The following ZFHX3 variants were observed in gnomAD, a reference collection of about 807,000 sequenced individuals.
ZFHX3 encodes the protein zinc finger homeobox protein 3.
A neutral mutation model predicts 279.1 loss-of-function variants in ZFHX3; 42 were observed. The ratio of observed to expected loss-of-function variants is 0.15; its 90% CI spans 0.12 to 0.19. The LOEUF (loss-of-function observed/expected upper bound fraction) is 0.19. Among genes scored for constraint, ZFHX3 ranks in the 10% least tolerant of loss-of-function variants. The pLI, the probability that ZFHX3 is intolerant of heterozygous loss-of-function variation, is 1.00. For missense variants in ZFHX3, 4,981 were observed against 4,754.0 expected (o/e 1.05, Z -1.40); for synonymous variants, 2,293 against 1,957.8 (o/e 1.17, Z -4.52).
intron 1 of ZFHX3, among the ~76,000 whole-genome samples, chr16:73,040,424 T>C (rs1470240893): frequency 6.6e-6 from 1 of 151,994 alleles, no homozygotes; most frequent in Non-Finnish European, 1.5e-5. Flanking sequence ...CACAAATCAC[T>C]ACAAACAAGC....
chr16:73,357,255 C>T (rs1304013088), intron 3 of ZFHX3, among the ~76,000 whole-genome samples: 1 of 151,866 alleles, frequency 6.6e-6, no homozygotes, highest in Admixed American at 6.6e-5. Flanking sequence ...TGTTACTCGA[C>T]TGAAAATTTG....
chr16:73,443,209 G>T (rs2018125234), intron 3 of ZFHX3, among the ~76,000 whole-genome samples: 1 of 152,164 alleles, frequency 6.6e-6, no homozygotes, highest in Non-Finnish European at 1.5e-5. Flanking sequence ...AGAAGGGAAA[G>T]AAATAAATTT....
chr16:73,036,625 G>A (rs1389526085), intron 1 of ZFHX3, among the ~76,000 whole-genome samples: 1 of 151,952 alleles, frequency 6.6e-6, no homozygotes, highest in African/African-American at 2.4e-5. Context: ...AAGAGGAGGG[G>A]AGAGGGGCCG....
At chr16:73,423,728 G>T (rs1402638704) in intron 3 of ZFHX3, among the ~76,000 whole-genome samples, 1 of 152,066 alleles carries the variant, frequency 6.6e-6, no homozygotes, top group African/African-American at 2.4e-5. Context: ...CAGGCGCAGT[G>T]GTGCACACCT....
chr16:73,612,377 G>A (rs75354260), intron 2 of ZFHX3, among the ~76,000 whole-genome samples: 3,330 of 152,278 alleles, frequency 0.022, 45 homozygotes, highest in Non-Finnish European at 0.033. Flanking sequence ...TAATGCAAAC[G>A]CTGCCATGAC....
chr16:73,655,016 A>T lies in ZFHX3; in HGVS notation c.-1547+25164T>A, dbSNP rs183518932. Among the ~76,000 whole-genome samples, 256 of 152,000 alleles carry T rather than the reference A, an allele frequency of 1.7e-3. 2 individuals are homozygous for T. Among genetic ancestry groups the T allele is most frequent in the Middle Eastern group, 6.8e-3 (2 of 294 alleles). On this transcript the variant is annotated intron_variant, in intron 2 of 17. Transcript: ENST00000641206. ...GCTGGGATTACAGGAGCCAGCCACCATGCCTGGCTAATTTTTGTATTTTTA... is the reference window on the plus strand; with the variant it reads ...GCTGGGATTACAGGAGCCAGCCACCTTGCCTGGCTAATTTTTGTATTTTTA...
chr16:73,632,445 G>A (rs939389069), intron 2 of ZFHX3, among the ~76,000 whole-genome samples: 10 of 152,106 alleles, frequency 6.6e-5, no homozygotes, highest in African/African-American at 2.4e-4. Context: ...CACTTTGGGA[G>A]GCTGGGGCAG....
intron 3 of ZFHX3, among the ~76,000 whole-genome samples, chr16:73,418,447 A>G (rs1597327844): frequency 6.6e-6 from 1 of 152,320 alleles, no homozygotes; most frequent in Middle Eastern, 3.4e-3. Context: ...GGGGAAGAGG[A>G]CATCTTTGTT....
At chr16:73,596,786 A>C (rs372316333) in intron 2 of ZFHX3, among the ~76,000 whole-genome samples, 1 of 152,194 alleles carries the variant, frequency 6.6e-6, no homozygotes, top group Admixed American at 6.5e-5. Flanking sequence ...AAGGAACGTC[A>C]CTATAACTCA....
chr16:73,723,668 A>T (rs538347008), intron 1 of ZFHX3, among the ~76,000 whole-genome samples: 2 of 152,236 alleles, frequency 1.3e-5, no homozygotes, highest in African/African-American at 4.8e-5. Context: ...TTTGTAATTT[A>T]AAAAAATATA....
At chr16:73,620,187 A>C (rs1247524849) in intron 2 of ZFHX3, among the ~76,000 whole-genome samples, 1 of 152,216 alleles carries the variant, frequency 6.6e-6, no homozygotes, top group East Asian at 1.9e-4. Context: ...GGGTGGGGGC[A>C]CCCAGCATAC....
chr16:72,989,940 T>A (rs981090650), intron 1 of ZFHX3, among the ~76,000 whole-genome samples: 7 of 152,168 alleles, frequency 4.6e-5, no homozygotes, highest in Non-Finnish European at 7.3e-5. Context: ...CTCCTCTGGC[T>A]CAGGAAAAGA....
chr16:73,001,705 A>G lies in ZFHX3; in HGVS notation c.-49-41511T>C, dbSNP rs533650945. 2.0e-5 allele frequency among the ~76,000 whole-genome samples: 3 copies of G among 152,094 alleles called. No homozygotes were observed. The South Asian group carries it at 6.3e-4, about 32-fold the overall frequency. ...TGTGGTGGCACATGACTGTCGTCCC[A>G]GCTATTCAGGAGGCTGAGGTGGAAG... On this transcript the variant is annotated intron_variant, in intron 1 of 9. Coordinates refer to ENST00000268489, the MANE Select transcript of ZFHX3 (RefSeq NM_006885.4).
intron 2 of ZFHX3, among the ~76,000 whole-genome samples, chr16:73,512,012 A>G (rs918365159): frequency 1.1e-4 from 16 of 152,126 alleles, no homozygotes; most frequent in Non-Finnish European, 1.8e-4. Flanking sequence ...ACTGCCTGCA[A>G]CCCGATACCA....
chr16:73,709,114 C>T (rs2053332849), intron 1 of ZFHX3, among the ~76,000 whole-genome samples: 1 of 152,130 alleles, frequency 6.6e-6, no homozygotes, highest in Non-Finnish European at 1.5e-5. Flanking sequence ...GCATTATTCA[C>T]AATGGCCAAG....
chr16:73,571,324 C>A (rs142635446), intron 2 of ZFHX3, among the ~76,000 whole-genome samples: 2 of 151,794 alleles, frequency 1.3e-5, no homozygotes, highest in African/African-American at 2.4e-5. Context: ...TAAAAATGAA[C>A]GAAAAAGCTT....
chr16:73,066,018 C>T (rs1008149844), intron 8 of ZFHX3, among the ~76,000 whole-genome samples: 7 of 152,174 alleles, frequency 4.6e-5, no homozygotes, highest in Non-Finnish European at 7.3e-5. Context: ...GGCAGGAGTC[C>T]GGCGCACACT....
intron 1 of ZFHX3, among the ~76,000 whole-genome samples, chr16:72,981,913 C>T (rs143774754): frequency 0.01 from 1,518 of 148,118 alleles, 14 homozygotes; most frequent in African/African-American, 0.028. Context: ...GATGGAGTCT[C>T]GCTCTGTCAT....
At chr16:73,483,431 G>C in intron 2 of ZFHX3, 1 of 454,524 alleles carries the variant, frequency 2.2e-6, no homozygotes, top group Non-Finnish European at 4.4e-6. Flanking sequence ...AGATGAGAAG[G>C]AGGTAATCAA....
Sources: allele counts gnomAD v4.1 joint callset (sites outside exome capture counted in the v4.1 genomes callset), GRCh38; gene constraint gnomAD v4.1.1; transcripts MANE v1.5; gene names NCBI Gene and HGNC (gene_info 2026-07-23, HGNC 2026-07-21).